Variants in IGFN1 observed in about 807,000 individuals in gnomAD.
IGFN1 encodes the protein immunoglobulin-like and fibronectin type III domain-containing protein 1.
A neutral mutation model predicts 289.5 loss-of-function variants in IGFN1; 253 were observed. That is an observed-to-expected ratio of 0.87 (90% CI 0.79 to 0.97). The LOEUF (loss-of-function observed/expected upper bound fraction) is 0.97. Ranked by LOEUF, IGFN1 falls within the 50% of genes least tolerant of loss-of-function variation. IGFN1 has a pLI of 0.00. For missense variants in IGFN1, 4,470 were observed against 4,686.1 expected, an observed-to-expected ratio of 0.95 and a Z score of 1.35; for synonymous variants, 1,706 against 1,788.5, an observed-to-expected ratio of 0.95 and a Z score of 1.16.
At chr1:201,200,863 G>A (rs1667122718) in intron 8 of IGFN1, among the ~76,000 whole-genome samples, 1 of 138,464 alleles carries the variant, frequency 7.2e-6, no homozygotes, top group African/African-American at 2.6e-5. Flanking sequence ...ATGGAGTCTT[G>A]CTCTTTCGCC....
intron 17 of IGFN1, among the ~76,000 whole-genome samples, chr1:201,217,774 T>C (rs558983622): frequency 2.6e-5 from 4 of 152,308 alleles, no homozygotes; most frequent in African/African-American, 9.6e-5. Context: ...TCAATTGTGC[T>C]GAGGTGAAGA....
rs760981495 is a variant in IGFN1, at chr1:201,226,920, G to T, written c.10825G>T (p.Asp3609Tyr). The T allele has an allele frequency of 3.1e-6, 5 of 1,608,550 alleles. No homozygotes were observed. The South Asian group carries it at 3.3e-5, about 11-fold the overall frequency. Residue 3609 changes from aspartate (D) to tyrosine (Y), a missense_variant, in exon 23 of 24, where the codon GAC (aspartate) becomes TAC (tyrosine). Around this residue, in one of 8 missense-constraint regions of IGFN1, gnomAD observed 2,218 missense variants for 2,114.1 expected, o/e 1.05. Coordinates refer to ENST00000335211, the MANE Select transcript of IGFN1 (RefSeq NM_001164586.2). Reference sequence around the variant, plus strand: ...GAAGGCTCCGTGCTACCGGGAGCCCGACCTGAGCCAGAAGCCCCGGTTCCT... The same window carrying T: ...GAAGGCTCCGTGCTACCGGGAGCCCTACCTGAGCCAGAAGCCCCGGTTCCT... ...TVKAPCYREPDLSQKPRFLVG... is the reference protein window; with the variant it reads ...TVKAPCYREPYLSQKPRFLVG...
chr1:201,213,629 C>A lies in IGFN1; in HGVS notation c.8728+8C>A. 6.2e-7 allele frequency: 1 copy of A among 1,610,796 alleles called. No individual in the cohort carries two copies. Among genetic ancestry groups the A allele is most frequent in the Non-Finnish European group, 8.5e-7 (1 of 1,177,580 alleles). ...TCTCCAAGGATGCCCAAGGTAGGTG[C>A]TTCTCTGCTGAGCTGGCTCCCATGG... On this transcript the variant is annotated splice_region_variant and intron_variant, in intron 12 of 23. Transcript: ENST00000335211.
In IGFN1 at chr1:201,216,234, G is replaced by A. The variant is rs1653256217; in HGVS notation, c.9296-220G>A. ...TGGTGCATTCCATGGCACATCCCTG[G>A]GTGCATGTGTGTGTTGGGGGTGGAG... On this transcript the variant is annotated intron_variant, in intron 15 of 23. Coordinates refer to ENST00000335211, the MANE Select transcript of IGFN1 (RefSeq NM_001164586.2). The A allele has an allele frequency of 8.3e-6, 5 of 600,618 alleles. No individual in the cohort carries two copies. In the Admixed American group the frequency reaches 1.2e-4, roughly 14 times the overall value. 37.2% of individuals were successfully genotyped at this position (600,618 alleles called of 1,614,324 possible). A position where few individuals can be genotyped will look rare whatever the true frequency, so the allele number is the denominator to read the frequency against.
intron 4 of IGFN1, among the ~76,000 whole-genome samples, chr1:201,196,765 C>G (rs1666940420): frequency 6.6e-6 from 1 of 152,162 alleles, no homozygotes; most frequent in Admixed American, 6.5e-5. Context: ...CATGGGATAC[C>G]TACTATGTGC....
At chr1:201,203,392 G>T (rs1385915375) in intron 9 of IGFN1, among the ~76,000 whole-genome samples, 1 of 152,234 alleles carries the variant, frequency 6.6e-6, no homozygotes, top group Non-Finnish European at 1.5e-5. Flanking sequence ...CATGGGTGTT[G>T]TGTCCGGCCT....
At position 201,228,372 on chromosome 1, in the gene IGFN1, C is replaced by G. The variant is rs750964280; in HGVS notation, c.11114-14C>G. The G allele has an allele frequency of 1.2e-6, 2 of 1,613,834 alleles. No individual in the cohort carries two copies. The highest frequency in any genetic ancestry group is 2.2e-5 in the South Asian group (2 of 91,086). ...TGCCCCTCTGAACCAACTGGAATAT[C>G]CTGTGTCTTGCAGAACCCAGCACCT... On this transcript the variant is annotated splice_polypyrimidine_tract_variant and intron_variant, in intron 23 of 23. Transcript: ENST00000335211.
chr1:201,218,548 C>T lies in IGFN1; in HGVS notation c.9788C>T (p.Ala3263Val), dbSNP rs748235310. The T allele has an allele frequency of 2.5e-5, 40 of 1,612,758 alleles. No individual in the cohort carries two copies. Among genetic ancestry groups the T allele is most frequent in the African/African-American group, 9.3e-5 (7 of 74,880 alleles). The change falls in exon 18 of 24, where the codon GCG (alanine) becomes GTG (valine). Residue 3263 changes from alanine (A) to valine (V), a missense_variant. This residue lies in a region of IGFN1 where 2,218 missense variants were observed against 2,114.1 expected (regional missense o/e 1.05). Coordinates refer to ENST00000335211, the MANE Select transcript of IGFN1 (RefSeq NM_001164586.2). ...QPVPERRWTVADVRQGCQYEF... is the reference protein window; with the variant it reads ...QPVPERRWTVVDVRQGCQYEF... ...TTCACAGAGAGGAGGTGGACGGTGG[C>T]GGACGTGCGGCAGGGCTGTCAGTAT...
rs754998754 is a variant in IGFN1 at position 201,212,857 on chromosome 1, A to T, written c.7964A>T (p.Gln2655Leu). ...GGCTCCAGAGCTTCCGGTTCTCTGCAGGAGAAAGATGCCGCTTTTGGTGGG... is the reference window on the plus strand; with the variant it reads ...GGCTCCAGAGCTTCCGGTTCTCTGCTGGAGAAAGATGCCGCTTTTGGTGGG... ...PAGSRASGSL[Q>L]EKDAAFGGTH... The change falls in exon 12 of 24, where the codon CAG (glutamine) becomes CTG (leucine). Residue 2655 changes from glutamine to leucine, a missense_variant. Physicochemically the swap from Gln to Leu is moderately radical, Grantham distance 113. Transcript: ENST00000335211. The T allele has an allele frequency of 1.3e-6, 2 of 1,551,256 alleles. No homozygotes were observed. Among genetic ancestry groups the T allele is most frequent in the Non-Finnish European group, 8.7e-7 (1 of 1,146,882 alleles).
chr1:201,218,594 G>A lies in IGFN1; in HGVS notation c.9834G>A (p.Val3278=). The A allele has an allele frequency of 6.2e-7, 1 of 1,613,038 alleles. No individual in the cohort carries two copies. The highest frequency in any genetic ancestry group is 1.1e-5 in the South Asian group (1 of 91,054). The change falls in exon 18 of 24, where the codon GTG becomes GTA. Residue 3278 remains valine (V), a synonymous_variant. Coordinates refer to ENST00000335211, the MANE Select transcript of IGFN1 (RefSeq NM_001164586.2). ...AGTATGAGTTCCGGGTCACAGCTGT[G>A]GCTCCCTCAGGTCCCGGAGAGCCTG... ...GCQYEFRVTA[V]APSGPGEPGP...
At chr1:201,197,935 G>T (rs143195339) in intron 5 of IGFN1, among the ~76,000 whole-genome samples, 1 of 152,138 alleles carries the variant, frequency 6.6e-6, no homozygotes, top group Admixed American at 6.6e-5. Context: ...GAAGTTTTGC[G>T]AGTGGCGTCC....
At position 201,222,724 on chromosome 1, in the gene IGFN1, T is replaced by C; in HGVS notation, c.10202-15T>C. On this transcript the variant is annotated splice_polypyrimidine_tract_variant and intron_variant, in intron 19 of 23. Coordinates refer to ENST00000335211, the MANE Select transcript of IGFN1 (RefSeq NM_001164586.2). Reference sequence around the variant, plus strand: ...GAGGGAGGAGGGAGGTAACCAGTCCTCTTGTGCGTTTCAGTCTGTCCCAAG... The same window carrying C: ...GAGGGAGGAGGGAGGTAACCAGTCCCCTTGTGCGTTTCAGTCTGTCCCAAG... 1 of 1,602,816 alleles carries C rather than the reference T, an allele frequency of 6.2e-7. No individual in the cohort carries two copies. Among genetic ancestry groups the C allele is most frequent in the Non-Finnish European group, 8.5e-7 (1 of 1,171,078 alleles).
At chr1:201,197,385 C>T (rs1231433215) in intron 5 of IGFN1, 68 bp downstream of exon 5, 6 of 659,450 alleles carry the variant, frequency 9.1e-6, no homozygotes, top group East Asian at 4.7e-5. Flanking sequence ...TCAGATGCCC[C>T]GTGGCTAGTG....
At chr1:201,191,805 G>A (rs140591431) in intron 1 of IGFN1, among the ~76,000 whole-genome samples, 97 of 152,264 alleles carry the variant, frequency 6.4e-4, no homozygotes, top group African/African-American at 1.2e-3. Flanking sequence ...TGGTATCAGC[G>A]TCATCCTTCT....
At position 201,226,872 on chromosome 1, in the gene IGFN1, T is replaced by C; in HGVS notation, c.10787-10T>C. 6.4e-7 allele frequency: 1 copy of C among 1,556,666 alleles called. No homozygotes were observed. The highest frequency in any genetic ancestry group is 8.7e-7 in the Non-Finnish European group (1 of 1,149,786). ...CTCACCCTCTTCTCTCACCCCGGCTTTCACCACAGACAGGTTCACAGTGAA... is the reference window on the plus strand; with the variant it reads ...CTCACCCTCTTCTCTCACCCCGGCTCTCACCACAGACAGGTTCACAGTGAA... On this transcript the variant is annotated splice_polypyrimidine_tract_variant and intron_variant, in intron 22 of 23. Coordinates refer to ENST00000335211, the MANE Select transcript of IGFN1 (RefSeq NM_001164586.2).
intron 8 of IGFN1, among the ~76,000 whole-genome samples, chr1:201,200,832 C>T (rs12738100): frequency 0.46 from 39,001 of 84,148 alleles, 6,808 homozygotes; most frequent in Non-Finnish European, 0.56. Context: ...TTATTTCTTT[C>T]TTTTTTTTTT....
At chr1:201,221,877 C>G in intron 19 of IGFN1, 131 bp downstream of exon 19, 1 of 739,224 alleles carries the variant, frequency 1.4e-6, no homozygotes, top group Admixed American at 3.1e-5. Flanking sequence ...ATTTATTGAG[C>G]ACCTACTAGG....
At position 201,194,070 on chromosome 1, in the gene IGFN1, G is replaced by C. The variant is rs917631118; in HGVS notation, c.8-84G>C. 2.2e-5 allele frequency: 32 copies of C among 1,484,276 alleles called. No homozygotes were observed. The Admixed American group carries it at 5.9e-4, about 28-fold the overall frequency. 91.9% of individuals were successfully genotyped at this position (1,484,276 alleles called of 1,614,324 possible). On this transcript the variant is annotated intron_variant, in intron 2 of 23. Transcript: ENST00000335211. Reference sequence around the variant, plus strand: ...AAGGGGCTTCTTGCTCCTGGGGTGAGTGGGTGGATGCCCATTCTGTTGAAG... The same window carrying C: ...AAGGGGCTTCTTGCTCCTGGGGTGACTGGGTGGATGCCCATTCTGTTGAAG...
Position 201,208,675 on chromosome 1 carries a change from G to A in IGFN1, c.3782G>A (p.Gly1261Glu), listed in dbSNP as rs1405637997. The A allele has an allele frequency of 2.0e-6, 3 of 1,536,784 alleles. No individual in the cohort carries two copies. The African/African-American group carries it at 4.1e-5, about 21-fold the overall frequency. ...AGAGATGGTTCAGGAGGCCTCCAAGGAATGGGATCAGCAGATGGGCCAGGT... is the reference window on the plus strand; with the variant it reads ...AGAGATGGTTCAGGAGGCCTCCAAGAAATGGGATCAGCAGATGGGCCAGGT... ...GFRDGSGGLQ[G>E]MGSADGPGCR... The change falls in exon 12 of 24, where the codon GGA becomes GAA. Residue 1261 changes from glycine (G) to glutamate (E), a missense_variant. Gly to Glu is a moderately conservative substitution (Grantham distance 98). Coordinates refer to ENST00000335211, the MANE Select transcript of IGFN1 (RefSeq NM_001164586.2).
Sources: allele counts gnomAD v4.1 joint callset (sites outside exome capture counted in the v4.1 genomes callset), GRCh38; gene constraint gnomAD v4.1.1; regional missense constraint gnomAD v4.1.1; transcripts MANE v1.5; gene names NCBI Gene and HGNC (gene_info 2026-07-23, HGNC 2026-07-21).